IRAK4: variants seen among roughly 807,000 people sequenced by gnomAD.
The protein encoded by IRAK4 is interleukin-1 receptor-associated kinase 4.
Under a neutral mutation model 51.8 loss-of-function variants are expected in IRAK4, and 44 were observed. The observed-to-expected ratio is 0.85, with a 90% CI of 0.67 to 1.09. The LOEUF is 1.09. Ranked by LOEUF, IRAK4 falls within the 50% of genes least tolerant of loss-of-function variation. IRAK4 has a pLI of 0.00. For synonymous variants in IRAK4, 149 were observed against 174.1 expected (o/e 0.86, Z 1.13); for missense variants, 487 against 538.0 (o/e 0.91, Z 0.94).
At position 43,778,239 on chromosome 12, in the gene IRAK4, A is replaced by G. The variant is rs760186666; in HGVS notation, c.878A>G (p.Gln293Arg). The change falls in exon 8 of 12, where the codon CAG (glutamine) becomes CGG (arginine). Residue 293 changes from glutamine to arginine, a missense_variant. Gln to Arg is a conservative substitution (Grantham distance 43). Transcript: ENST00000613694. Reference protein sequence around the residue: ...LSWHMRCKIAQGAANGINFLH... With the variant: ...LSWHMRCKIARGAANGINFLH... ...TGGCACATGAGATGCAAGATTGCTC[A>G]GGGTGCAGCTAATGGCATCAATTTT... is the stretch of plus-strand genomic sequence containing the variant. 15 of 1,612,066 alleles carry G rather than the reference A, an allele frequency of 9.3e-6. No individual in the cohort carries two copies. The highest frequency in any genetic ancestry group is 3.3e-5 in the Admixed American group (2 of 60,024).
chr12:43,771,407 A>G (rs777601256), intron 3 of IRAK4, 42 bp downstream of exon 3: 1 of 1,599,948 alleles, frequency 6.3e-7, no homozygotes. Flanking sequence ...TAGGGTGGAA[A>G]GACAAATGGC....
rs1942036333 is a variant in IRAK4, at chr12:43,784,376, C to T, written c.1188+652C>T. Among the ~76,000 whole-genome samples the T allele has an allele frequency of 2.0e-5, 3 of 152,112 alleles. No individual in the cohort carries two copies. In the South Asian group the frequency reaches 6.2e-4, roughly 31 times the overall value. On this transcript the variant is annotated intron_variant, in intron 10 of 11. Transcript: ENST00000613694. Reference sequence around the variant, plus strand: ...CCAATTTAATTCTGACACTACATTCCTGGACATAGCATCAGAGTCAGATCC... The same window carrying T: ...CCAATTTAATTCTGACACTACATTCTTGGACATAGCATCAGAGTCAGATCC...
At chr12:43,784,329 G>A (rs1019996637) in intron 10 of IRAK4, among the ~76,000 whole-genome samples, 1 of 152,182 alleles carries the variant, frequency 6.6e-6, no homozygotes, top group African/African-American at 2.4e-5. Flanking sequence ...CTACTTTGCA[G>A]CGGAAGTCAG....
chr12:43,766,897 CAAAT>C (rs574103616), intron 1 of IRAK4, among the ~76,000 whole-genome samples: 4 of 152,054 alleles, frequency 2.6e-5, no homozygotes, highest in African/African-American at 9.6e-5. Flanking sequence ...AACAGGTAAA[CAAAT>C]AAGTATATGA....
At chr12:43,764,222 A>G (rs1450937459) in intron 1 of IRAK4, among the ~76,000 whole-genome samples, 1 of 152,148 alleles carries the variant, frequency 6.6e-6, no homozygotes. Flanking sequence ...TCAGGAGTTC[A>G]AGACCAGCCT....
intron 3 of IRAK4, 45 bp from the exon 4 acceptor site, chr12:43,772,135 C>G: frequency 2.0e-6 from 3 of 1,499,376 alleles, no homozygotes; most frequent in Non-Finnish European, 2.8e-6. Flanking sequence ...TTCACAACCA[C>G]TTTTTCTTAC....
chr12:43,783,620 C>T (rs776634104), intron 9 of IRAK4, 42 bp from the exon 10 acceptor site: 4 of 1,267,152 alleles, frequency 3.2e-6, no homozygotes, highest in African/African-American at 1.5e-5. Flanking sequence ...TGTGCCCAGC[C>T]TATCTTGTGT....
In IRAK4 at chr12:43,777,793, A is replaced by T. The variant is rs760127684; in HGVS notation, c.831+49A>T. 15 of 1,370,422 alleles carry T rather than the reference A, an allele frequency of 1.1e-5. No individual in the cohort carries two copies. In the South Asian group the frequency reaches 1.7e-4, roughly 16 times the overall value. The allele number at this position is 1,370,422 out of a possible 1,614,324, so 84.9% of individuals were successfully genotyped here. ...GTTTGGCTTTTTGTTTATATGCTGG[A>T]ATATTAATATTCATTTTGTTACTGG... is the stretch of plus-strand genomic sequence containing the variant. On this transcript the variant is annotated intron_variant, in intron 7 of 11. Coordinates refer to ENST00000613694, the MANE Select transcript of IRAK4 (RefSeq NM_016123.4).
At chr12:43,762,817 C>G (rs1446109305) in intron 1 of IRAK4, among the ~76,000 whole-genome samples, 2 of 152,138 alleles carry the variant, frequency 1.3e-5, no homozygotes, top group African/African-American at 2.4e-5. Context: ...TATTCTTTTA[C>G]CTGGCCCTAG....
intron 1 of IRAK4, chr12:43,763,588 C>G (rs979634558): frequency 6.6e-6 from 1 of 152,034 alleles, no homozygotes; most frequent in African/African-American, 2.4e-5. Flanking sequence ...CCAACATAAA[C>G]AAAAGCCCTT....
chr12:43,775,941 G>T (rs1012772090), intron 6 of IRAK4, among the ~76,000 whole-genome samples: 5 of 142,776 alleles, frequency 3.5e-5, no homozygotes, highest in Admixed American at 2.9e-4. Context: ...GAATGCAGTG[G>T]TGCGATCTTG....
Position 43,787,483 on chromosome 12 carries a change from G to A in IRAK4, c.*768G>A, listed in dbSNP as rs1942292291. The A allele has an allele frequency of 6.6e-6, 1 of 152,196 alleles. No homozygotes were observed. The highest frequency in any genetic ancestry group is 2.4e-5 in the African/African-American group (1 of 41,442). 9.4% of individuals were successfully genotyped at this position (152,196 alleles called of 1,614,324 possible). ...AATTCTCCTTGTAAGCCTTGAAGAA[G>A]TATGTGAGAGGGCCACATTGGCTAA... On this transcript the variant is annotated 3_prime_UTR_variant, in exon 12 of 12. Coordinates refer to ENST00000613694, the MANE Select transcript of IRAK4 (RefSeq NM_016123.4).
At chr12:43,774,065 G>GA in intron 6 of IRAK4, 36 bp downstream of exon 6, 4 of 1,492,126 alleles carry the variant, frequency 2.7e-6, no homozygotes, top group Non-Finnish European at 3.7e-6. Context: ...GTAGTGGAAA[G>GA]AAAAAAGACA....
At chr12:43,773,851 A>C (rs949080513) in intron 5 of IRAK4, 114 bp from the exon 6 acceptor site, 1 of 715,346 alleles carries the variant, frequency 1.4e-6, no homozygotes, top group African/African-American at 1.7e-5. Context: ...AATTGGGAGA[A>C]TAATACACTA....
chr12:43,775,083 A>G (rs1379159462), intron 6 of IRAK4, among the ~76,000 whole-genome samples: 1 of 152,236 alleles, frequency 6.6e-6, no homozygotes, highest in African/African-American at 2.4e-5. Flanking sequence ...GGATTTACCA[A>G]ATTATACCCA....
intron 1 of IRAK4, among the ~76,000 whole-genome samples, chr12:43,763,632 G>T (rs571039515): frequency 3.9e-5 from 6 of 151,934 alleles, no homozygotes; most frequent in Non-Finnish European, 5.9e-5. Context: ...AGGGTAAAAG[G>T]TCCTGAGACC....
At chr12:43,772,418 C>A in intron 4 of IRAK4, 56 bp downstream of exon 4, 1 of 1,470,326 alleles carries the variant, frequency 6.8e-7, no homozygotes, top group Non-Finnish European at 9.4e-7. Context: ...ACTACCAGTG[C>A]TTTAAAAGAA....
intron 10 of IRAK4, among the ~76,000 whole-genome samples, chr12:43,785,429 G>T (rs1942121851): frequency 6.6e-6 from 1 of 151,764 alleles, no homozygotes; most frequent in Admixed American, 6.6e-5. Flanking sequence ...AGGAGTCAGG[G>T]TCCAAAAGTT....
intron 6 of IRAK4, 135 bp from the exon 7 acceptor site, chr12:43,777,495 A>G (rs1419927984): frequency 2.8e-6 from 2 of 709,468 alleles, no homozygotes; most frequent in African/African-American, 3.6e-5. Context: ...TATAAACATA[A>G]ACATCAAGTT....
Sources: gnomAD v4.1 joint callset for allele counts (sites outside exome capture counted in the v4.1 genomes callset) on GRCh38, gnomAD v4.1.1 for gene constraint, MANE v1.5 for transcripts, NCBI Gene and HGNC (gene_info 2026-07-23, HGNC 2026-07-21) for gene names.